Variants in RIMS4 observed in about 807,000 individuals in gnomAD.
RIMS4 encodes the protein regulating synaptic membrane exocytosis 4, also known as regulating synaptic membrane exocytosis protein 4.
In RIMS4, 9 loss-of-function variants were observed where a neutral mutation model predicts 29.0. That is an observed-to-expected ratio of 0.31 (90% confidence interval 0.19 to 0.54). The LOEUF is 0.54. Among genes scored for constraint, RIMS4 ranks in the 20% least tolerant of loss-of-function variants. The pLI is 0.94. For synonymous variants in RIMS4, 130 were observed against 152.9 expected (o/e 0.85, Z 1.10); for missense variants, 193 against 365.7 (o/e 0.53, Z 3.85).
rs771751385 is a variant in RIMS4 at position 44,771,365 on chromosome 20, C to A, written c.146G>T (p.Gly49Val). ...CCGGCTGGGCATCTCCACTGCCAGG[C>A]CCGTCTCCGTGCTCCTCTGGATGGC... Reference protein sequence around the residue: ...KGAIQRSTETGLAVEMPSRTL... With the variant: ...KGAIQRSTETVLAVEMPSRTL... The change falls in exon 2 of 6, where the codon GGC becomes GTC. Residue 49 changes from glycine to valine, a missense_variant. Coordinates refer to ENST00000372851, the MANE Select transcript of RIMS4 (RefSeq NM_182970.4). 6.2e-7 allele frequency: 1 copy of A among 1,613,916 alleles called. No homozygotes were observed. Among genetic ancestry groups the A allele is most frequent in the Non-Finnish European group, 8.5e-7 (1 of 1,179,950 alleles).
intron 1 of RIMS4, among the ~76,000 whole-genome samples, chr20:44,799,912 T>C (rs1474621438): frequency 1.3e-5 from 2 of 152,222 alleles, no homozygotes; most frequent in African/African-American, 4.8e-5. Flanking sequence ...CTTAAGACAC[T>C]TTCACTGTGT....
intron 1 of RIMS4, among the ~76,000 whole-genome samples, chr20:44,772,216 C>T (rs2066140422): frequency 6.6e-6 from 1 of 152,148 alleles, no homozygotes; most frequent in South Asian, 2.1e-4. Flanking sequence ...CTTTCTTGAC[C>T]TCTCCTGGCC....
intron 1 of RIMS4, among the ~76,000 whole-genome samples, chr20:44,779,941 T>C (rs894694261): frequency 4.6e-5 from 7 of 152,220 alleles, no homozygotes; most frequent in African/African-American, 1.4e-4. Flanking sequence ...GGAAAGCCTG[T>C]TGATTTACTG....
intron 2 of RIMS4, among the ~76,000 whole-genome samples, chr20:44,764,215 C>CTTT (rs1468654423): frequency 9.4e-4 from 115 of 122,680 alleles, no homozygotes; most frequent in African/African-American, 4.3e-3. Context: ...TCCATCCACC[C>CTTT]ATCCATCCAT....
rs138669689 is a variant in RIMS4 at position 44,756,207 on chromosome 20, G to A, written c.737C>T (p.Thr246Ile). 6.2e-7 allele frequency: 1 copy of A among 1,613,984 alleles called. No homozygotes were observed. The highest frequency in any genetic ancestry group is 1.3e-5 in the African/African-American group (1 of 74,932). Residue 246 changes from threonine (T) to isoleucine (I), a missense_variant, in exon 6 of 6, where the codon ACA becomes ATA. By Grantham distance (89) the Thr-to-Ile change is moderately conservative (BLOSUM62 -1). Coordinates refer to ENST00000372851, the MANE Select transcript of RIMS4 (RefSeq NM_182970.4). This position sits in a 1 kb window ranked among gnomAD's most constrained non-coding sequence, Gnocchi z 5.9. ...FPTSSMVDPA[T>I]GPLLRQASQL... is the part of the protein sequence containing the mutation. ...GGATGCCTGCCGGAGCAGGGGGCCT[G>A]TGGCTGGGTCCACCATGGAGGAGGT...
chr20:44,787,313 T>C (rs56403610), intron 1 of RIMS4, among the ~76,000 whole-genome samples: 30,630 of 152,034 alleles, frequency 0.2, 3,362 homozygotes, highest in Non-Finnish European at 0.24. Context: ...GTGGCGATGA[T>C]GATAATGACA....
chr20:44,798,956 G>A (rs896219326), intron 1 of RIMS4, among the ~76,000 whole-genome samples: 13 of 152,312 alleles, frequency 8.5e-5, no homozygotes, highest in African/African-American at 2.4e-4. Flanking sequence ...TTCTGTATTC[G>A]TTACAAAATC....
chr20:44,797,561 T>C (rs1241302355), intron 1 of RIMS4, among the ~76,000 whole-genome samples: 2 of 152,258 alleles, frequency 1.3e-5, no homozygotes, highest in African/African-American at 2.4e-5. Context: ...ATATGAAGCA[T>C]ACAAAATTCT....
chr20:44,801,716 TAGAGGCTTTATG>T (rs2066278081), intron 1 of RIMS4, among the ~76,000 whole-genome samples: 1 of 152,136 alleles, frequency 6.6e-6, no homozygotes. Flanking sequence ...AATGACTTCC[TAGAGGCTTTATG>T]AGGGCCTACG....
chr20:44,760,682 C>T (rs954788502), intron 2 of RIMS4, among the ~76,000 whole-genome samples: 3 of 152,114 alleles, frequency 2.0e-5, no homozygotes, highest in South Asian at 2.1e-4. Flanking sequence ...TTATGGCCGG[C>T]GTCCATTTGA....
chr20:44,800,458 C>T (rs2066273193), intron 1 of RIMS4, among the ~76,000 whole-genome samples: 1 of 152,074 alleles, frequency 6.6e-6, no homozygotes, highest in African/African-American at 2.4e-5. Flanking sequence ...GTGCCCAGGA[C>T]ACTTCCCCCG....
intron 1 of RIMS4, among the ~76,000 whole-genome samples, chr20:44,796,781 G>A (rs2066256988): frequency 6.6e-6 from 1 of 152,238 alleles, no homozygotes; most frequent in African/African-American, 2.4e-5. Context: ...CAAATATGAA[G>A]AAGCTGGGTT....
At chr20:44,780,388 T>G (rs2066178983) in intron 1 of RIMS4, among the ~76,000 whole-genome samples, 1 of 152,208 alleles carries the variant, frequency 6.6e-6, no homozygotes, top group African/African-American at 2.4e-5. Context: ...TGGGCCTGCC[T>G]AGGGCAGAGG....
At chr20:44,794,143 T>C (rs971896624) in intron 1 of RIMS4, among the ~76,000 whole-genome samples, 1 of 152,214 alleles carries the variant, frequency 6.6e-6, no homozygotes, top group African/African-American at 2.4e-5. Context: ...AAATGGGTCA[T>C]GAGAAAACTC....
At chr20:44,794,748 C>A (rs1354782795) in intron 1 of RIMS4, among the ~76,000 whole-genome samples, 1 of 152,132 alleles carries the variant, frequency 6.6e-6, no homozygotes, top group Non-Finnish European at 1.5e-5. Context: ...TTGTCTCTTG[C>A]GCACTGGCCC....
intron 1 of RIMS4, among the ~76,000 whole-genome samples, chr20:44,776,907 G>A (rs888677477): frequency 3.3e-5 from 5 of 152,272 alleles, no homozygotes; most frequent in Middle Eastern, 3.4e-3. Context: ...GGACATGCAC[G>A]ACTACTAATG....
At chr20:44,773,482 G>GACAAAC (rs1317083765) in intron 1 of RIMS4, among the ~76,000 whole-genome samples, 1 of 151,898 alleles carries the variant, frequency 6.6e-6, no homozygotes, top group East Asian at 1.9e-4. Context: ...AGACGTGCAG[G>GACAAAC]AACAAACACC....
chr20:44,781,048 C>T (rs1051725361), intron 1 of RIMS4, among the ~76,000 whole-genome samples: 8 of 152,190 alleles, frequency 5.3e-5, no homozygotes, highest in African/African-American at 1.9e-4. Flanking sequence ...ATTTCCTATG[C>T]CATGCTGTTC....
intron 1 of RIMS4, among the ~76,000 whole-genome samples, chr20:44,773,610 C>G (rs1021276880): frequency 6.6e-6 from 1 of 152,148 alleles, no homozygotes; most frequent in Non-Finnish European, 1.5e-5. Flanking sequence ...GCCCCCACCC[C>G]GGATCCATCT....
Sources: gnomAD v4.1 joint callset for allele counts (sites outside exome capture counted in the v4.1 genomes callset) on GRCh38, gnomAD v4.1.1 for gene constraint, Gnocchi (gnomAD v3.1) non-coding constraint, MANE v1.5 for transcripts, NCBI Gene and HGNC (gene_info 2026-07-23, HGNC 2026-07-21) for gene names.